Variants in BTRC observed in about 807,000 individuals in gnomAD.
BTRC encodes F-box/WD repeat-containing protein 1A.
A neutral mutation model predicts 85.5 loss-of-function variants in BTRC; 42 were observed. The ratio of observed to expected loss-of-function variants is 0.49; its 90% CI spans 0.38 to 0.64. The LOEUF (loss-of-function observed/expected upper bound fraction) is 0.64. BTRC is among the 30% of genes least tolerant of loss of function. BTRC has a pLI of 0.00. For synonymous variants in BTRC, 255 were observed against 263.3 expected (o/e 0.97, Z 0.30); for missense variants, 594 against 743.5 (o/e 0.80, Z 2.34).
At chr10:101,473,145 T>C (rs935119033) in intron 3 of BTRC, among the ~76,000 whole-genome samples, 1 of 151,902 alleles carries the variant, frequency 6.6e-6, no homozygotes, top group Non-Finnish European at 1.5e-5. Flanking sequence ...CTTTTTTTTT[T>C]CTTTTCTTAA....
chr10:101,439,577 T>G (rs1159129456), intron 2 of BTRC, among the ~76,000 whole-genome samples: 1 of 152,252 alleles, frequency 6.6e-6, no homozygotes, highest in Non-Finnish European at 1.5e-5. Context: ...CTTTCTTGTT[T>G]GAGGTGTTTG....
chr10:101,367,023 T>TAA (rs1564730803), intron 1 of BTRC, among the ~76,000 whole-genome samples: 3 of 65,764 alleles, frequency 4.6e-5, no homozygotes, highest in African/African-American at 9.9e-5. Context: ...TATATTTATA[T>TAA]TTATATATTT....
At chr10:101,416,815 G>GTT (rs1279665759) in intron 1 of BTRC, among the ~76,000 whole-genome samples, 2 of 151,956 alleles carry the variant, frequency 1.3e-5, no homozygotes, top group African/African-American at 4.8e-5. Context: ...TGTATTAGTT[G>GTT]TTCTCTCTCT....
At chr10:101,416,568 G>A (rs1257461716) in intron 1 of BTRC, among the ~76,000 whole-genome samples, 1 of 152,016 alleles carries the variant, frequency 6.6e-6, no homozygotes. Context: ...TGTTATTGTT[G>A]TTGTTGTTTT....
intron 1 of BTRC, among the ~76,000 whole-genome samples, chr10:101,374,985 C>CA (rs1942751423): frequency 6.6e-6 from 1 of 152,012 alleles, no homozygotes; most frequent in South Asian, 2.1e-4. Flanking sequence ...CTACAGAGGC[C>CA]AGGTGCTGCA....
chr10:101,436,668 A>AGATAGATAGATAGATT (rs541330195), intron 2 of BTRC, among the ~76,000 whole-genome samples: 2 of 151,532 alleles, frequency 1.3e-5, no homozygotes, highest in Admixed American at 6.6e-5. Flanking sequence ...ATAGATAGAT[A>AGATAGATAGATAGATT]GATTTATATG....
chr10:101,485,066 A>G (rs1328260221), intron 4 of BTRC, among the ~76,000 whole-genome samples: 1 of 152,224 alleles, frequency 6.6e-6, no homozygotes, highest in Admixed American at 6.5e-5. Context: ...TTGACTGCAC[A>G]TTTGTTGTGT....
chr10:101,510,114 A>G (rs1026421736), intron 4 of BTRC, among the ~76,000 whole-genome samples: 4 of 152,096 alleles, frequency 2.6e-5, no homozygotes, highest in Admixed American at 2.6e-4. Context: ...AGCCTAGGTG[A>G]CAGGCAAGAC....
At chr10:101,483,633 T>C (rs1945905014) in intron 4 of BTRC, among the ~76,000 whole-genome samples, 1 of 152,158 alleles carries the variant, frequency 6.6e-6, no homozygotes, top group Admixed American at 6.5e-5. Flanking sequence ...ATTTTATCCC[T>C]ATAACTTAAT....
chr10:101,357,584 T>C (rs1399650780), intron 1 of BTRC, among the ~76,000 whole-genome samples: 10 of 152,182 alleles, frequency 6.6e-5, no homozygotes, highest in Non-Finnish European at 1.5e-4. Flanking sequence ...TTTCCCTCAA[T>C]TGTGAATCGC....
chr10:101,405,918 G>A (rs1307558312), intron 1 of BTRC, among the ~76,000 whole-genome samples: 1 of 152,182 alleles, frequency 6.6e-6, no homozygotes, highest in Non-Finnish European at 1.5e-5. Context: ...GTATACTGCA[G>A]TTGTTGGGTG....
At chr10:101,485,600 T>G (rs1414540332) in intron 4 of BTRC, among the ~76,000 whole-genome samples, 3 of 152,258 alleles carry the variant, frequency 2.0e-5, no homozygotes, top group Non-Finnish European at 2.9e-5. Context: ...ACTACCGTGT[T>G]TCTGTAAATT....
At chr10:101,527,093 A>G (rs2062203739) in intron 6 of BTRC, among the ~76,000 whole-genome samples, 1 of 152,228 alleles carries the variant, frequency 6.6e-6, no homozygotes, top group Non-Finnish European at 1.5e-5. Flanking sequence ...GACATATTAA[A>G]TATTCTCATT....
At chr10:101,452,044 C>A (rs1189042265) in intron 2 of BTRC, among the ~76,000 whole-genome samples, 2 of 152,174 alleles carry the variant, frequency 1.3e-5, no homozygotes, top group Non-Finnish European at 2.9e-5. Context: ...GCAGCAATAA[C>A]AAGTCAAATT....
At chr10:101,546,028 G>T (rs185349642) in intron 13 of BTRC, among the ~76,000 whole-genome samples, 1 of 152,330 alleles carries the variant, frequency 6.6e-6, no homozygotes, top group East Asian at 1.9e-4. Flanking sequence ...GTTATAGTTG[G>T]AGACTTCAGC....
chr10:101,505,135 A>ATATATGTATATATATGTGTATATG (rs1946492961), intron 4 of BTRC, among the ~76,000 whole-genome samples: 6 of 79,024 alleles, frequency 7.6e-5, no homozygotes, highest in Non-Finnish European at 1.9e-4. Context: ...ATGTGTATAT[A>ATATATGTATATATATGTGTATATG]TATGTATATA....
chr10:101,416,950 TC>T (rs1943961858), intron 1 of BTRC, among the ~76,000 whole-genome samples: 1 of 152,162 alleles, frequency 6.6e-6, no homozygotes, highest in Admixed American at 6.5e-5. Flanking sequence ...TAATTTATAT[TC>T]CATGTTTTAT....
At chr10:101,426,110 G>A (rs886519610) in intron 1 of BTRC, among the ~76,000 whole-genome samples, 1 of 152,088 alleles carries the variant, frequency 6.6e-6, no homozygotes, top group Non-Finnish European at 1.5e-5. Flanking sequence ...GCCCAAATTT[G>A]CTATTTTCTC....
rs999671901 is a variant in BTRC, at chr10:101,457,950, G to C, written c.157-4031G>C. ...ATGTTACCATATTTGTATTATATCT[G>C]CTTATAAATACATATACACACGCAC... On this transcript the variant is annotated intron_variant, in intron 2 of 14. Transcript: ENST00000370187. Among the ~76,000 whole-genome samples, 9 of 152,132 alleles carry C rather than the reference G, an allele frequency of 5.9e-5. No individual in the cohort carries two copies. In the East Asian group the frequency reaches 1.7e-3, roughly 29 times the overall value.
Sources: allele counts gnomAD v4.1 joint callset (sites outside exome capture counted in the v4.1 genomes callset), GRCh38; gene constraint gnomAD v4.1.1; transcripts MANE v1.5; gene names NCBI Gene and HGNC (gene_info 2026-07-23, HGNC 2026-07-21).